The following FAM13A variants were observed in gnomAD, a reference collection of about 807,000 sequenced individuals.
FAM13A encodes family with sequence similarity 13 member A.
A neutral mutation model predicts 129.6 loss-of-function variants in FAM13A; 76 were observed. The observed-to-expected ratio is 0.59, with a 90% confidence interval of 0.49 to 0.71. The LOEUF (loss-of-function observed/expected upper bound fraction) is 0.71. FAM13A is among the 30% of genes least tolerant of loss of function. The probability of loss-of-function intolerance (pLI) is 0.00; values close to 1 mark genes in which losing one functional copy is unlikely to be tolerated. For synonymous variants in FAM13A, 443 were observed against 449.9 expected (o/e 0.98, Z 0.20); for missense variants, 1,108 against 1,249.3 (o/e 0.89, Z 1.70).
rs192960132 is a variant in FAM13A, at chr4:88,865,633, C to T, written c.844-14450G>A. On this transcript the variant is annotated intron_variant, in intron 6 of 23. Coordinates refer to ENST00000264344, the MANE Select transcript of FAM13A (RefSeq NM_014883.4). ...ACATTAGGAGCTGGCAAACTTTTTC[C>T]GTAAAGGGCCAGATAGTAAATATTT... 9.2e-5 allele frequency among the ~76,000 whole-genome samples: 14 copies of T among 152,228 alleles called. No individual in the cohort carries two copies. In the South Asian group the frequency reaches 1.2e-3, roughly 14 times the overall value.
Position 88,739,074 on chromosome 4 carries a change from G to T in FAM13A, c.2518C>A (p.Leu840Met). ...VMKPLYDRYR[L>M]VKQILSRANT... Reference sequence around the variant, plus strand: ...GCTCGGGAGAGGATCTGTTTGACCAGCCGGTACCTGTCGTATAGTGGCTTC... The same window carrying T: ...GCTCGGGAGAGGATCTGTTTGACCATCCGGTACCTGTCGTATAGTGGCTTC... Residue 840 changes from leucine to methionine, a missense_variant, in exon 20 of 24, where the codon CTG becomes ATG. Leu to Met is a conservative substitution (Grantham distance 15, BLOSUM62 2). This residue lies in a region of FAM13A where 529 missense variants were observed against 621.2 expected (regional missense o/e 0.85). Coordinates refer to ENST00000264344, the MANE Select transcript of FAM13A (RefSeq NM_014883.4). 1.2e-6 allele frequency: 2 copies of T among 1,613,898 alleles called. No homozygotes were observed. Among genetic ancestry groups the T allele is most frequent in the Non-Finnish European group, 1.7e-6 (2 of 1,179,872 alleles).
intron 5 of FAM13A, among the ~76,000 whole-genome samples, chr4:88,911,188 CT>C (rs925993461): frequency 5.9e-5 from 9 of 152,320 alleles, no homozygotes; most frequent in African/African-American, 2.2e-4. Flanking sequence ...CCTTCGTTCT[CT>C]TGCTAATACC....
At chr4:89,054,596 ACTCT>A (rs1236103881) in intron 1 of FAM13A, among the ~76,000 whole-genome samples, 1 of 151,908 alleles carries the variant, frequency 6.6e-6, no homozygotes, top group Non-Finnish European at 1.5e-5. Context: ...ACTGAGAGTG[ACTCT>A]CTCTGGAATT....
intron 3 of FAM13A, among the ~76,000 whole-genome samples, chr4:88,998,440 T>G (rs1288166302): frequency 6.6e-6 from 1 of 152,176 alleles, no homozygotes; most frequent in African/African-American, 2.4e-5. Flanking sequence ...TAGCTATTAT[T>G]GTTATCATTA....
intron 4 of FAM13A, among the ~76,000 whole-genome samples, chr4:88,950,170 G>C (rs1756702932): frequency 6.6e-6 from 1 of 150,854 alleles, no homozygotes; most frequent in African/African-American, 2.4e-5. Flanking sequence ...TTATTCTTAA[G>C]GATAATTACT....
intron 3 of FAM13A, among the ~76,000 whole-genome samples, chr4:89,002,582 C>T (rs1479219562): frequency 6.6e-6 from 1 of 152,134 alleles, no homozygotes; most frequent in Non-Finnish European, 1.5e-5. Context: ...GACATTTGGG[C>T]ATCCCCAAAT....
rs552601933 is a variant in FAM13A, at chr4:88,840,972, T to C, written c.1007+10048A>G. On this transcript the variant is annotated intron_variant, in intron 7 of 23. Transcript: ENST00000264344. ...AACTAGACTCATACCATACAGCATATGTAAAAACTAACTCAAAATGGATCA... is the reference window on the plus strand; with the variant it reads ...AACTAGACTCATACCATACAGCATACGTAAAAACTAACTCAAAATGGATCA... 3.3e-4 allele frequency among the ~76,000 whole-genome samples: 50 copies of C among 151,962 alleles called. No individual in the cohort carries two copies. The South Asian group carries it at 5.4e-3, about 16-fold the overall frequency.
chr4:89,032,476 C>G (rs966348027), intron 1 of FAM13A, among the ~76,000 whole-genome samples: 1 of 152,062 alleles, frequency 6.6e-6, no homozygotes. Flanking sequence ...TCCTTAGGGG[C>G]CTTCTAATTC....
chr4:88,772,215 G>C (rs1720810223), intron 11 of FAM13A, among the ~76,000 whole-genome samples: 1 of 152,186 alleles, frequency 6.6e-6, no homozygotes, highest in African/African-American at 2.4e-5. Flanking sequence ...TGAGCTCTAA[G>C]AGGAGAATAT....
intron 5 of FAM13A, 21 bp from the exon 6 acceptor site, chr4:88,906,483 A>T: frequency 2.6e-6 from 4 of 1,527,722 alleles, no homozygotes; most frequent in Non-Finnish European, 3.6e-6. Flanking sequence ...AGTATAAAGG[A>T]AACATTAGAG....
intron 11 of FAM13A, among the ~76,000 whole-genome samples, chr4:88,769,494 G>A (rs557964134): frequency 4.4e-4 from 67 of 152,212 alleles, no homozygotes; most frequent in African/African-American, 1.6e-3. Context: ...CAACAATATG[G>A]TCTAACATAG....
In FAM13A at chr4:88,749,921, A is replaced by G. The variant is rs778007541; in HGVS notation, c.1941-12T>C. The G allele has an allele frequency of 1.2e-6, 2 of 1,612,488 alleles. No individual in the cohort carries two copies. Among genetic ancestry groups the G allele is most frequent in the East Asian group, 2.2e-5 (1 of 44,868 alleles). On this transcript the variant is annotated splice_polypyrimidine_tract_variant and intron_variant, in intron 15 of 23. Coordinates refer to ENST00000264344, the MANE Select transcript of FAM13A (RefSeq NM_014883.4). ...AGGAGCTTCGCCGCCTGTGAAGAGTACGACTTGGGTCAGTTTCCCCAGGAG... is the reference window on the plus strand; with the variant it reads ...AGGAGCTTCGCCGCCTGTGAAGAGTGCGACTTGGGTCAGTTTCCCCAGGAG...
At chr4:89,010,093 T>C (rs28484695) in intron 3 of FAM13A, among the ~76,000 whole-genome samples, 8,565 of 152,264 alleles carry the variant, frequency 0.056, 792 homozygotes, top group African/African-American at 0.19. Context: ...ATGTGTCCTG[T>C]GAAATATAAA....
intron 1 of FAM13A, 48 bp from the exon 2 acceptor site, chr4:89,029,697 G>T: frequency 6.7e-7 from 1 of 1,493,790 alleles, no homozygotes; most frequent in South Asian, 1.2e-5. Context: ...TTTACCACAG[G>T]AGGTTGCATG....
At chr4:89,036,077 A>T (rs777822443) in intron 1 of FAM13A, among the ~76,000 whole-genome samples, 31 of 152,286 alleles carry the variant, frequency 2.0e-4, no homozygotes, top group Non-Finnish European at 2.6e-4. Flanking sequence ...GCAGCTTTGG[A>T]AGTGGGTAAT....
intron 3 of FAM13A, 90 bp from the exon 4 acceptor site, chr4:88,991,240 T>C: frequency 1.0e-6 from 1 of 983,554 alleles, no homozygotes; most frequent in South Asian, 1.9e-5. Context: ...TAACATTTTA[T>C]TCAGAAAAAA....
intron 5 of FAM13A, among the ~76,000 whole-genome samples, chr4:88,922,644 A>G (rs1347204566): frequency 1.3e-5 from 2 of 152,218 alleles, no homozygotes; most frequent in Non-Finnish European, 2.9e-5. Context: ...TAAAAGAACT[A>G]GAAAAGCAAG....
intron 7 of FAM13A, among the ~76,000 whole-genome samples, chr4:88,825,909 T>C (rs371042017): frequency 6.6e-6 from 1 of 152,164 alleles, no homozygotes; most frequent in East Asian, 1.9e-4. Context: ...ATTCCTCCTT[T>C]TTATGGTTTT....
At chr4:89,018,579 C>A (rs1290224822) in intron 3 of FAM13A, among the ~76,000 whole-genome samples, 1 of 152,186 alleles carries the variant, frequency 6.6e-6, no homozygotes, top group Non-Finnish European at 1.5e-5. Context: ...CTATATAGAA[C>A]TTATTAAGGT....
Sources: gnomAD v4.1 joint callset for allele counts (sites outside exome capture counted in the v4.1 genomes callset) on GRCh38, gnomAD v4.1.1 for gene constraint, gnomAD v4.1.1 regional missense constraint, MANE v1.5 for transcripts, NCBI Gene and HGNC (gene_info 2026-07-23, HGNC 2026-07-21) for gene names.